MAP3K1: variants seen among roughly 807,000 people sequenced by gnomAD.
MAP3K1 encodes the protein MAP/ERK kinase kinase 1.
In MAP3K1, 36 loss-of-function variants were observed where a neutral mutation model predicts 144.2. The ratio of observed to expected loss-of-function variants is 0.25; its 90% CI spans 0.19 to 0.33. The LOEUF is 0.33. MAP3K1 is among the 10% of genes least tolerant of loss of function. MAP3K1 has a pLI of 1.00. For synonymous variants in MAP3K1, 718 were observed against 688.7 expected (o/e 1.04, Z -0.67); for missense variants, 1,650 against 1,881.9 (o/e 0.88, Z 2.28).
chr5:56,879,054 C>G lies in MAP3K1; in HGVS notation c.2040C>G (p.Leu680=). Residue 680 remains leucine (L), a synonymous_variant, in exon 11 of 20, where the codon CTC becomes CTG. Transcript: ENST00000399503. ...AAAGAATCAAACTTCAGAGACTTCT[C>G]CAGCCAGTTGTAGACACCATCCTAG... ...LAERIKLQRL[L]QPVVDTILVK... 6.2e-7 allele frequency: 1 copy of G among 1,613,866 alleles called. No homozygotes were observed. Among genetic ancestry groups the G allele is most frequent in the Non-Finnish European group, 8.5e-7 (1 of 1,179,808 alleles).
intron 5 of MAP3K1, 83 bp downstream of exon 5, chr5:56,865,539 G>A (rs913158978): frequency 3.6e-6 from 3 of 840,116 alleles, no homozygotes; most frequent in African/African-American, 3.4e-5. Flanking sequence ...ACTAAATTTA[G>A]GCAGTGACCA....
intron 12 of MAP3K1, 61 bp downstream of exon 12, chr5:56,880,863 T>C (rs1180596735): frequency 7.4e-7 from 1 of 1,359,478 alleles, no homozygotes; most frequent in Non-Finnish European, 1.0e-6. Flanking sequence ...AGCAGCCTTG[T>C]CTAATCTCAT....
intron 1 of MAP3K1, among the ~76,000 whole-genome samples, chr5:56,830,416 A>G (rs955059040): frequency 1.1e-4 from 17 of 152,132 alleles, no homozygotes; most frequent in East Asian, 1.9e-4. Context: ...ACACATACAT[A>G]TACTACCTAC....
intron 1 of MAP3K1, among the ~76,000 whole-genome samples, chr5:56,828,150 G>T (rs1160186094): frequency 2.0e-5 from 3 of 152,088 alleles, no homozygotes; most frequent in Non-Finnish European, 4.4e-5. Context: ...TAGCAAAGGC[G>T]GTTTGTGTAG....
At chr5:56,852,650 G>A (rs1453919725) in intron 1 of MAP3K1, among the ~76,000 whole-genome samples, 1 of 152,032 alleles carries the variant, frequency 6.6e-6, no homozygotes, top group Non-Finnish European at 1.5e-5. Context: ...ACATTGTTTA[G>A]CTGAAATCTG....
chr5:56,835,818 C>T (rs1407202492), intron 1 of MAP3K1, among the ~76,000 whole-genome samples: 3 of 151,918 alleles, frequency 2.0e-5, no homozygotes, highest in Non-Finnish European at 4.4e-5. Flanking sequence ...AATGTCATTT[C>T]TCAAGGAGAT....
chr5:56,852,783 C>T lies in MAP3K1; in HGVS notation c.483-3817C>T, dbSNP rs115120445. On this transcript the variant is annotated intron_variant, in intron 1 of 19. Coordinates refer to ENST00000399503, the MANE Select transcript of MAP3K1 (RefSeq NM_005921.2). ...TAACCAACATGAGTTGGAGATGGCT[C>T]TCATCTCCCAGTGACTTCACAGCTA... Among the ~76,000 whole-genome samples, 1,067 of 152,172 alleles carry T rather than the reference C, an allele frequency of 7.0e-3. 10 individuals are homozygous for T. Among genetic ancestry groups the T allele is most frequent in the African/African-American group, 0.025 (1,031 of 41,530 alleles).
intron 6 of MAP3K1, among the ~76,000 whole-genome samples, chr5:56,869,101 GAAA>G (rs1747773191): frequency 1.3e-5 from 2 of 151,638 alleles, no homozygotes; most frequent in African/African-American, 4.8e-5. Context: ...AAAAAAAAGA[GAAA>G]AGAAAGAAAA....
At chr5:56,883,746 G>C in intron 15 of MAP3K1, 67 bp downstream of exon 15, 2 of 1,524,254 alleles carry the variant, frequency 1.3e-6, no homozygotes, top group South Asian at 1.1e-5. Flanking sequence ...TCAGTAAAAA[G>C]AATAAAGGAT....
At chr5:56,835,175 G>A (rs1377885486) in intron 1 of MAP3K1, among the ~76,000 whole-genome samples, 1 of 152,166 alleles carries the variant, frequency 6.6e-6, no homozygotes, top group Non-Finnish European at 1.5e-5. Context: ...ACCTTAGAAA[G>A]GGTAGCAGGG....
At chr5:56,817,614 C>A (rs1212892522) in intron 1 of MAP3K1, among the ~76,000 whole-genome samples, 2 of 152,150 alleles carry the variant, frequency 1.3e-5, no homozygotes, top group Non-Finnish European at 2.9e-5. Context: ...GAGTTATGTA[C>A]CTCTATAGTT....
intron 1 of MAP3K1, among the ~76,000 whole-genome samples, chr5:56,840,284 A>C (rs1305248276): frequency 1.3e-5 from 2 of 152,116 alleles, no homozygotes; most frequent in Non-Finnish European, 2.9e-5. Flanking sequence ...GTTAGCCGGG[A>C]TTACAGGCAC....
intron 1 of MAP3K1, among the ~76,000 whole-genome samples, chr5:56,852,513 AACC>A (rs780079179): frequency 5.9e-5 from 9 of 152,224 alleles, no homozygotes; most frequent in Non-Finnish European, 1.3e-4. Flanking sequence ...AAAACCAAGA[AACC>A]TCATGTTTCC....
rs563735011 is a variant in MAP3K1 at position 56,819,066 on chromosome 5, A to C, written c.482+3011A>C. Among the ~76,000 whole-genome samples the C allele has an allele frequency of 8.3e-4, 126 of 152,366 alleles. 1 individual carries two copies. The highest frequency in any genetic ancestry group is 2.9e-3 in the African/African-American group (119 of 41,600). Reference sequence around the variant, plus strand: ...TCCGTGAATTTGTAAGTTTTTAGTTAAGAATGGTGTCAGTTTCATTTTAAA... The same window carrying C: ...TCCGTGAATTTGTAAGTTTTTAGTTCAGAATGGTGTCAGTTTCATTTTAAA... On this transcript the variant is annotated intron_variant, in intron 1 of 19. Transcript: ENST00000399503.
intron 1 of MAP3K1, among the ~76,000 whole-genome samples, chr5:56,819,300 G>A (rs1746080845): frequency 6.6e-6 from 1 of 152,116 alleles, no homozygotes; most frequent in Non-Finnish European, 1.5e-5. Context: ...AAGTAGCCCT[G>A]TTCATTGATA....
At chr5:56,888,968 T>C (rs998458060) in intron 19 of MAP3K1, among the ~76,000 whole-genome samples, 2 of 152,178 alleles carry the variant, frequency 1.3e-5, no homozygotes, top group Non-Finnish European at 2.9e-5. Flanking sequence ...TTATTTGAGG[T>C]AGTTATGCTC....
rs71926811 is a variant in MAP3K1 at position 56,891,148 on chromosome 5, A to AC, written c.4390-2371dup. On this transcript the variant is annotated intron_variant, in intron 19 of 19. Coordinates refer to ENST00000399503, the MANE Select transcript of MAP3K1 (RefSeq NM_005921.2). ...ACAAAACACACACAGACACACACAC[A>AC]CCCCCCCCCCCCACACACACACACA... 3.5e-3 allele frequency among the ~76,000 whole-genome samples: 490 copies of AC among 141,318 alleles called. 8 individuals carry two copies. The highest frequency in any genetic ancestry group is 9.2e-3 in the African/African-American group (328 of 35,610). 92.7% of individuals were successfully genotyped at this position (141,318 alleles called of 152,430 possible). A position where few individuals can be genotyped will look rare whatever the true frequency, so the allele number is the denominator to read the frequency against.
chr5:56,838,437 AAAG>A (rs1181408720), intron 1 of MAP3K1, among the ~76,000 whole-genome samples: 1 of 152,244 alleles, frequency 6.6e-6, no homozygotes, highest in African/African-American at 2.4e-5. Flanking sequence ...GCTATAGTGA[AAAG>A]AAATTGGCAT....
chr5:56,823,137 A>G (rs1746204081), intron 1 of MAP3K1, among the ~76,000 whole-genome samples: 1 of 152,208 alleles, frequency 6.6e-6, no homozygotes, highest in Non-Finnish European at 1.5e-5. Context: ...AGATGTTCAG[A>G]TGGCTTCCAT....
Sources: allele counts gnomAD v4.1 joint callset (sites outside exome capture counted in the v4.1 genomes callset), GRCh38; gene constraint gnomAD v4.1.1; transcripts MANE v1.5; gene names NCBI Gene and HGNC (gene_info 2026-07-23, HGNC 2026-07-21).